Variants in SPAG16 observed in about 807,000 individuals in gnomAD.
SPAG16 encodes sperm-associated antigen 16 protein.
SPAG16 carries 86 observed loss-of-function variants against 80.4 expected under a neutral mutation model. The observed-to-expected ratio is 1.07, with a 90% CI of 0.90 to 1.28. SPAG16 has a LOEUF of 1.28. Ranked by LOEUF, SPAG16 falls within the 50% of genes most tolerant of loss-of-function variation. The pLI is 0.00. For synonymous variants in SPAG16, 294 were observed against 265.9 expected (o/e 1.11, Z -1.03); for missense variants, 870 against 765.3 (o/e 1.14, Z -1.61).
chr2:214,404,868 T>C (rs569242913), intron 15 of SPAG16, among the ~76,000 whole-genome samples: 1 of 152,276 alleles, frequency 6.6e-6, no homozygotes, highest in South Asian at 2.1e-4. Context: ...TTTTTAGTTA[T>C]CGGGTACAAT....
At chr2:213,289,382 T>C (rs1394778761) in intron 1 of SPAG16, among the ~76,000 whole-genome samples, 2 of 152,214 alleles carry the variant, frequency 1.3e-5, no homozygotes, top group African/African-American at 4.8e-5. Context: ...GTAGAAGATA[T>C]GCAACAGCTA....
intron 3 of SPAG16, among the ~76,000 whole-genome samples, chr2:213,299,410 A>G (rs1321541797): frequency 1.3e-5 from 2 of 149,976 alleles, no homozygotes; most frequent in African/African-American, 2.5e-5. Context: ...AGCTGGGACT[A>G]CAGGCACCTG....
chr2:213,994,425 A>G (rs1462473782), intron 12 of SPAG16, among the ~76,000 whole-genome samples: 2 of 152,186 alleles, frequency 1.3e-5, no homozygotes, highest in Non-Finnish European at 2.9e-5. Context: ...ATTCTTAAAA[A>G]TCTGCCATGT....
intron 10 of SPAG16, among the ~76,000 whole-genome samples, chr2:213,749,930 T>C (rs1013982429): frequency 2.6e-5 from 4 of 152,186 alleles, no homozygotes; most frequent in African/African-American, 9.6e-5. Flanking sequence ...CCATGACTTA[T>C]TATCAGTAAA....
intron 10 of SPAG16, among the ~76,000 whole-genome samples, chr2:213,594,835 A>G (rs2060832527): frequency 6.6e-6 from 1 of 152,124 alleles, no homozygotes; most frequent in Non-Finnish European, 1.5e-5. Flanking sequence ...ATGTTCTTTT[A>G]AAATGTATTC....
In SPAG16 at chr2:214,148,711, G is replaced by A. The variant is rs553421484; in HGVS notation, c.1594-429G>A. 3.9e-5 allele frequency among the ~76,000 whole-genome samples: 6 copies of A among 151,922 alleles called. No homozygotes were observed. The East Asian group carries it at 1.2e-3, about 29-fold the overall frequency. On this transcript the variant is annotated intron_variant, in intron 14 of 15. Coordinates refer to ENST00000331683, the MANE Select transcript of SPAG16 (RefSeq NM_024532.5). The stretch of plus-strand genomic sequence containing the variant: ...GCATAAAAGCTGAGATATGCATGTG[G>A]TATAATTTTCCCACATTCACAGTTT...
chr2:213,575,123 A>G (rs2060079534), intron 10 of SPAG16, among the ~76,000 whole-genome samples: 1 of 152,126 alleles, frequency 6.6e-6, no homozygotes, highest in Non-Finnish European at 1.5e-5. Flanking sequence ...TAGTATCTCT[A>G]AAGTCTTTAG....
chr2:213,284,694 C>T (rs753338449), intron 1 of SPAG16, 75 bp downstream of exon 1: 2 of 1,503,942 alleles, frequency 1.3e-6, no homozygotes, highest in Admixed American at 2.2e-5. Context: ...GGGCCTCCCA[C>T]TGGCGGCGCC....
At chr2:213,667,017 G>T (rs2063632247) in intron 10 of SPAG16, among the ~76,000 whole-genome samples, 1 of 152,164 alleles carries the variant, frequency 6.6e-6, no homozygotes, top group Non-Finnish European at 1.5e-5. Flanking sequence ...AAGATCTCTT[G>T]CCTGTTAGAA....
chr2:213,914,317 G>A (rs750012049), intron 11 of SPAG16, among the ~76,000 whole-genome samples: 7 of 152,036 alleles, frequency 4.6e-5, no homozygotes, highest in Non-Finnish European at 1.0e-4. Flanking sequence ...AATGAAAAGT[G>A]TGACATTATT....
Position 213,642,682 on chromosome 2 carries a change from G to A in SPAG16, c.1070+152592G>A, listed in dbSNP as rs866129811. Reference sequence around the variant, plus strand: ...TAAAAATACAAAAAATTAGCCGGGCGTAGTGGCGGGCGCCTGTAGTCCCAG... The same window carrying A: ...TAAAAATACAAAAAATTAGCCGGGCATAGTGGCGGGCGCCTGTAGTCCCAG... On this transcript the variant is annotated intron_variant, in intron 10 of 15. Transcript: ENST00000331683. Among the ~76,000 whole-genome samples, 16 of 61,326 alleles carry A rather than the reference G, an allele frequency of 2.6e-4. 6 individuals carry two copies. Among genetic ancestry groups the A allele is most frequent in the Non-Finnish European group, 4.6e-4 (14 of 30,442 alleles). The allele number at this position is 61,326 out of a possible 152,430, so 40.2% of individuals were successfully genotyped here.
At chr2:213,863,968 A>G (rs1160019808) in intron 11 of SPAG16, among the ~76,000 whole-genome samples, 1 of 152,136 alleles carries the variant, frequency 6.6e-6, no homozygotes, top group African/African-American at 2.4e-5. Flanking sequence ...TTTTCAGTGC[A>G]TGAGACAAAT....
chr2:213,681,668 G>T (rs148156435), intron 10 of SPAG16, among the ~76,000 whole-genome samples: 1 of 152,178 alleles, frequency 6.6e-6, no homozygotes. Flanking sequence ...AGCAGAAATT[G>T]AGGGCATGGG....
At chr2:213,896,544 G>A (rs2106104339) in intron 11 of SPAG16, among the ~76,000 whole-genome samples, 1 of 147,788 alleles carries the variant, frequency 6.8e-6, no homozygotes, top group East Asian at 2.0e-4. Context: ...CAACCTAAGT[G>A]TCCATCAATG....
intron 15 of SPAG16, among the ~76,000 whole-genome samples, chr2:214,407,816 A>G (rs1702081334): frequency 6.6e-6 from 1 of 151,984 alleles, no homozygotes; most frequent in African/African-American, 2.4e-5. Context: ...ACTTAGAAAG[A>G]GGTTAGCATC....
intron 8 of SPAG16, among the ~76,000 whole-genome samples, chr2:213,366,466 AG>A (rs1451699418): frequency 6.6e-6 from 1 of 152,152 alleles, no homozygotes; most frequent in Admixed American, 6.5e-5. Flanking sequence ...ATAGCTGGGG[AG>A]GCCTCACAAT....
intron 15 of SPAG16, among the ~76,000 whole-genome samples, chr2:214,159,242 C>T (rs745847979): frequency 2.0e-5 from 3 of 151,776 alleles, no homozygotes; most frequent in Non-Finnish European, 2.9e-5. Flanking sequence ...GATAATTAGA[C>T]CTTTTACTTT....
At chr2:213,729,242 G>T (rs77911936) in intron 10 of SPAG16, among the ~76,000 whole-genome samples, 31,517 of 152,080 alleles carry the variant, frequency 0.21, 3,859 homozygotes, top group South Asian at 0.32. Context: ...TCTTTAAGAA[G>T]ACAAGTGAAT....
intron 9 of SPAG16, among the ~76,000 whole-genome samples, chr2:213,420,027 T>C (rs1332444798): frequency 7.8e-6 from 1 of 127,422 alleles, no homozygotes; most frequent in Admixed American, 7.2e-5. Context: ...ATACAAGATA[T>C]TTTTTTATAC....
Sources: allele counts gnomAD v4.1 joint callset (sites outside exome capture counted in the v4.1 genomes callset), GRCh38; gene constraint gnomAD v4.1.1; transcripts MANE v1.5; gene names NCBI Gene and HGNC (gene_info 2026-07-23, HGNC 2026-07-21).